TXNDC9: variants seen among roughly 807,000 people sequenced by gnomAD.
TXNDC9 encodes the protein thioredoxin domain containing 9, also known as thioredoxin domain-containing protein 9.
Under a neutral mutation model 23.0 loss-of-function variants are expected in TXNDC9, and 7 were observed. The ratio of observed to expected loss-of-function variants is 0.30; its 90% CI spans 0.17 to 0.57. TXNDC9 has a LOEUF of 0.57. TXNDC9 is among the 20% of genes least tolerant of loss of function. TXNDC9 has a pLI of 0.90. For missense variants in TXNDC9, 198 were observed against 252.6 expected, an observed-to-expected ratio of 0.78 and a Z score of 1.47; for synonymous variants, 72 against 90.6, an observed-to-expected ratio of 0.79 and a Z score of 1.17.
Position 99,327,642 on chromosome 2 carries a change from AG to A in TXNDC9, c.200del (p.Ser67LeufsTer41), listed in dbSNP as rs1434704571. ...TTTCTCTGTATTCCCCATGTCCTTT[AG>A]AAAGCCATTCCTAATTTGGAGAGAG... ...KAQQQKQEWLSKGHGEYREIP... is the reference protein window; with the variant it reads ...KAQQQKQEWLXKGHGEYREIP... On this transcript the variant is annotated frameshift_variant, in exon 3 of 5. Coordinates refer to ENST00000264255, the MANE Select transcript of TXNDC9 (RefSeq NM_005783.4). LOFTEE classifies it high-confidence loss of function. 6.2e-7 allele frequency: 1 copy of A among 1,611,620 alleles called. No homozygotes were observed. The highest frequency in any genetic ancestry group is 1.3e-5 in the African/African-American group (1 of 74,856).
chr2:99,314,786 T>C (rs2094184990), downstream of TXNDC9, among the ~76,000 whole-genome samples: 1 of 152,018 alleles, frequency 6.6e-6, no homozygotes, highest in South Asian at 2.1e-4. Context: ...TGGGATGTCA[T>C]TGTGGTTTGG....
Sources: gnomAD v4.1 joint callset for allele counts (sites outside exome capture counted in the v4.1 genomes callset) on GRCh38, gnomAD v4.1.1 for gene constraint, MANE v1.5 for transcripts, NCBI Gene and HGNC (gene_info 2026-07-23, HGNC 2026-07-21) for gene names.